Variants in MAP2K5 observed in about 807,000 individuals in gnomAD.
MAP2K5 encodes the protein mitogen-activated protein kinase kinase 5, also known as dual specificity mitogen-activated protein kinase kinase 5.
In MAP2K5, 49 loss-of-function variants were observed where a neutral mutation model predicts 83.1. The ratio of observed to expected loss-of-function variants is 0.59; its 90% confidence interval spans 0.47 to 0.75. The LOEUF is 0.75. Among genes scored for constraint, MAP2K5 ranks in the 30% least tolerant of loss-of-function variants. MAP2K5 has a pLI of 0.00. For missense variants in MAP2K5, 457 were observed against 557.5 expected (o/e 0.82, Z 1.82); for synonymous variants, 202 against 191.8 (o/e 1.05, Z -0.44).
chr15:67,711,230 T>TA (rs977479604), intron 16 of MAP2K5, among the ~76,000 whole-genome samples: 6 of 152,260 alleles, frequency 3.9e-5, no homozygotes, highest in African/African-American at 1.4e-4. Flanking sequence ...ATGGTTTTTT[T>TA]AAAGCAGTTT....
In MAP2K5 at chr15:67,678,489, T is replaced by G. The variant is rs149847103; in HGVS notation, c.847+13844T>G. ...GAGCATTCAGTGAGACATGTAAAAG[T>G]TCAGAGCAAATTAAATGTTTAAATA... On this transcript the variant is annotated intron_variant, in intron 13 of 21. Transcript: ENST00000178640. Among the ~76,000 whole-genome samples, 306 of 152,282 alleles carry G rather than the reference T, an allele frequency of 2.0e-3. 1 individual carries two copies. The highest frequency in any genetic ancestry group is 7.1e-3 in the African/African-American group (293 of 41,560).
intron 8 of MAP2K5, among the ~76,000 whole-genome samples, chr15:67,607,383 A>G (rs1335918416): frequency 6.6e-6 from 1 of 152,132 alleles, no homozygotes; most frequent in Non-Finnish European, 1.5e-5. Flanking sequence ...TCATACGATA[A>G]TGTATATTTT....
At position 67,690,154 on chromosome 15, in the gene MAP2K5, G is replaced by A. The variant is rs2088067866; in HGVS notation, c.848-2325G>A. 6.6e-6 allele frequency among the ~76,000 whole-genome samples: 1 copy of A among 152,100 alleles called. No individual in the cohort carries two copies. The highest frequency in any genetic ancestry group is 2.4e-5 in the African/African-American group (1 of 41,418). On this transcript the variant is annotated intron_variant, in intron 13 of 21. Transcript: ENST00000178640. This position sits in a 1 kb window ranked among gnomAD's most constrained non-coding sequence, Gnocchi z 4.3. Reference sequence around the variant, plus strand: ...TAGTTTAGGACATCAATATGTAAAAGAACAAATTGTCCAAAAGAAAAATAT... The same window carrying A: ...TAGTTTAGGACATCAATATGTAAAAAAACAAATTGTCCAAAAGAAAAATAT...
At chr15:67,616,607 T>G (rs1332054098) in intron 8 of MAP2K5, among the ~76,000 whole-genome samples, 1 of 152,214 alleles carries the variant, frequency 6.6e-6, no homozygotes, top group Non-Finnish European at 1.5e-5. Context: ...GAACTATCTC[T>G]GCAATGAGCT....
chr15:67,549,712 T>C (rs1029173339), intron 1 of MAP2K5, among the ~76,000 whole-genome samples: 3 of 152,224 alleles, frequency 2.0e-5, no homozygotes, highest in Non-Finnish European at 4.4e-5. Context: ...TCAACTGTAG[T>C]ATATTCCACA....
rs1166093831 is a variant in MAP2K5 at position 67,782,907 on chromosome 15, G to A, written c.1242+10155G>A. The stretch of plus-strand genomic sequence containing the variant: ...CTGTCTCCTTCCTGCCTTCAGAAAC[G>A]GCCCCCTTTTCAGCTCTCCTGTGCA... On this transcript the variant is annotated intron_variant, in intron 21 of 21. Transcript: ENST00000178640. This position sits in a 1 kb window ranked among gnomAD's most constrained non-coding sequence, Gnocchi z 4.9. Among the ~76,000 whole-genome samples the A allele has an allele frequency of 1.3e-5, 2 of 152,198 alleles. No individual in the cohort carries two copies. Among genetic ancestry groups the A allele is most frequent in the African/African-American group, 4.8e-5 (2 of 41,432 alleles).
In MAP2K5 at chr15:67,760,202, C is replaced by T. The variant is rs560819653; in HGVS notation, c.1135-9400C>T. On this transcript the variant is annotated intron_variant, in intron 19 of 21. Coordinates refer to ENST00000178640, the MANE Select transcript of MAP2K5 (RefSeq NM_145160.3). The surrounding 1 kb of genome is among the most constrained non-coding windows in gnomAD (Gnocchi z 4.1). The stretch of plus-strand genomic sequence containing the variant: ...CTTTAGAAATGACATTAACATTCTA[C>T]CAAAACACAGCAGTAATCCAAAAGT... Among the ~76,000 whole-genome samples, 1 of 152,218 alleles carries T rather than the reference C, an allele frequency of 6.6e-6. No individual in the cohort carries two copies. The highest frequency in any genetic ancestry group is 1.9e-4 in the East Asian group (1 of 5,190).
At chr15:67,684,487 ACT>A (rs1466879519) in intron 13 of MAP2K5, among the ~76,000 whole-genome samples, 1 of 152,144 alleles carries the variant, frequency 6.6e-6, no homozygotes, top group African/African-American at 2.4e-5. Flanking sequence ...CAAGTCCAAC[ACT>A]CTGGATTACA....
At chr15:67,682,515 G>A (rs1035090191) in intron 13 of MAP2K5, among the ~76,000 whole-genome samples, 32 of 150,894 alleles carry the variant, frequency 2.1e-4, no homozygotes, top group Admixed American at 5.9e-4. Flanking sequence ...GAGCCACTGC[G>A]CCTGGCCCCT....
intron 8 of MAP2K5, chr15:67,628,424 G>A: frequency 3.6e-6 from 2 of 551,264 alleles, no homozygotes; most frequent in East Asian, 6.2e-5. Flanking sequence ...TGGCTGTGGT[G>A]AGCCAAGATC....
At chr15:67,624,322 G>C (rs2086260936) in intron 8 of MAP2K5, among the ~76,000 whole-genome samples, 1 of 126,140 alleles carries the variant, frequency 7.9e-6, no homozygotes, top group Non-Finnish European at 1.6e-5. Flanking sequence ...CTGGGCGACA[G>C]AGCAAGACTC....
intron 20 of MAP2K5, 150 bp from the exon 21 acceptor site, chr15:67,772,557 G>A (rs1312796959): frequency 1.8e-5 from 8 of 436,298 alleles, no homozygotes; most frequent in Admixed American, 4.0e-5. Flanking sequence ...ATAAAAGAAA[G>A]GGAATATATG....
Position 67,577,564 on chromosome 15 carries a change from T to C in MAP2K5, c.253-3190T>C, listed in dbSNP as rs2140988885. On this transcript the variant is annotated intron_variant, in intron 3 of 21. Coordinates refer to ENST00000178640, the MANE Select transcript of MAP2K5 (RefSeq NM_145160.3). This position sits in a 1 kb window ranked among gnomAD's most constrained non-coding sequence, Gnocchi z 4.1. ...ACAAAGTTTAGGGGTGTTTTTTTGG[T>C]CGTTGCTGTTTGTTTCTTTGTTTTT... Among the ~76,000 whole-genome samples the C allele has an allele frequency of 6.6e-6, 1 of 152,354 alleles. No homozygotes were observed. The highest frequency in any genetic ancestry group is 2.1e-4 in the South Asian group (1 of 4,830).
At chr15:67,709,514 A>C (rs2088639307) in intron 16 of MAP2K5, among the ~76,000 whole-genome samples, 1 of 152,008 alleles carries the variant, frequency 6.6e-6, no homozygotes. Flanking sequence ...TAAACTTTAA[A>C]ATGAAAATGA....
chr15:67,674,360 A>C (rs2087626504), intron 13 of MAP2K5, among the ~76,000 whole-genome samples: 1 of 152,202 alleles, frequency 6.6e-6, no homozygotes, highest in South Asian at 2.1e-4. Flanking sequence ...CACAGTTAAC[A>C]TCCTATCTCC....
In MAP2K5 at chr15:67,764,009, C is replaced by T. The variant is rs950157684; in HGVS notation, c.1135-5593C>T. Among the ~76,000 whole-genome samples the T allele has an allele frequency of 6.6e-6, 1 of 152,180 alleles. No individual in the cohort carries two copies. The highest frequency in any genetic ancestry group is 1.5e-5 in the Non-Finnish European group (1 of 68,036). ...GTGACTCTCAATATTGGTCAGACTA[C>T]AGGTGATTTTCTGGTGTTGAACACC... On this transcript the variant is annotated intron_variant, in intron 19 of 21. Coordinates refer to ENST00000178640, the MANE Select transcript of MAP2K5 (RefSeq NM_145160.3). The surrounding 1 kb of genome is among the most constrained non-coding windows in gnomAD (Gnocchi z 4.9).
Position 67,725,193 on chromosome 15 carries a change from G to T in MAP2K5, c.1045-2723G>T, listed in dbSNP as rs192177954. Among the ~76,000 whole-genome samples the T allele has an allele frequency of 9.9e-5, 15 of 152,244 alleles. No individual in the cohort carries two copies. In the East Asian group the frequency reaches 2.5e-3, roughly 26 times the overall value. ...CACTAAATTTTCTCTCTGTTGTCTT[G>T]CATGGCATTGTCTTACAGAGCAAAC... On this transcript the variant is annotated intron_variant, in intron 16 of 21. Coordinates refer to ENST00000178640, the MANE Select transcript of MAP2K5 (RefSeq NM_145160.3).
chr15:67,783,402 T>G lies in MAP2K5; in HGVS notation c.1242+10650T>G, dbSNP rs1448602483. Among the ~76,000 whole-genome samples the G allele has an allele frequency of 6.6e-6, 1 of 152,182 alleles. No individual in the cohort carries two copies. The highest frequency in any genetic ancestry group is 2.4e-5 in the African/African-American group (1 of 41,450). ...CAGTCCCCAGATGCGTGAGGCATCC[T>G]CACACAGTCATGTCTTTGCTTGTGC... On this transcript the variant is annotated intron_variant, in intron 21 of 21. Coordinates refer to ENST00000178640, the MANE Select transcript of MAP2K5 (RefSeq NM_145160.3). This position sits in a 1 kb window ranked among gnomAD's most constrained non-coding sequence, Gnocchi z 5.1.
In MAP2K5 at chr15:67,786,245, A is replaced by G. The variant is rs1425600379; in HGVS notation, c.1242+13493A>G. 6.6e-6 allele frequency among the ~76,000 whole-genome samples: 1 copy of G among 151,942 alleles called. No homozygotes were observed. Among genetic ancestry groups the G allele is most frequent in the African/African-American group, 2.4e-5 (1 of 41,338 alleles). On this transcript the variant is annotated intron_variant, in intron 21 of 21. Transcript: ENST00000178640. The surrounding 1 kb of genome is among the most constrained non-coding windows in gnomAD (Gnocchi z 4.7). The stretch of plus-strand genomic sequence containing the variant: ...ATTATATGTATGTCGGATGTTTGCA[A>G]TTGGTGTACACTGAATTGGTAGTCT...
Sources: gnomAD v4.1 joint callset for allele counts (sites outside exome capture counted in the v4.1 genomes callset) on GRCh38, gnomAD v4.1.1 for gene constraint, Gnocchi (gnomAD v3.1) non-coding constraint, MANE v1.5 for transcripts, NCBI Gene and HGNC (gene_info 2026-07-23, HGNC 2026-07-21) for gene names.